SCD5: variants seen among roughly 807,000 people sequenced by gnomAD.
SCD5 encodes acyl-CoA-desaturase 4.
Under a neutral mutation model 30.4 loss-of-function variants are expected in SCD5, and 20 were observed. The ratio of observed to expected loss-of-function variants is 0.66; its 90% CI spans 0.46 to 0.96. The LOEUF (loss-of-function observed/expected upper bound fraction) is 0.96. SCD5 is among the 40% of genes least tolerant of loss of function. The pLI is 0.00. For missense variants in SCD5, 381 were observed against 443.3 expected, an observed-to-expected ratio of 0.86 and a Z score of 1.26; for synonymous variants, 173 against 176.4, an observed-to-expected ratio of 0.98 and a Z score of 0.16.
chr4:82,690,927 A>G (rs774072436), intron 2 of SCD5, among the ~76,000 whole-genome samples: 7 of 152,260 alleles, frequency 4.6e-5, no homozygotes, highest in Non-Finnish European at 1.0e-4. Context: ...TAAGCGAAAT[A>G]ATTTTAGACT....
At chr4:82,790,916 C>T (rs1452610766) in intron 1 of SCD5, among the ~76,000 whole-genome samples, 2 of 152,104 alleles carry the variant, frequency 1.3e-5, no homozygotes, top group Non-Finnish European at 2.9e-5. Context: ...TCTGATGTGC[C>T]ACCATTTCTG....
In SCD5 at chr4:82,680,801, G is replaced by A. The variant is rs1305026355; in HGVS notation, c.475C>T (p.Leu159=). 1 of 1,613,706 alleles carries A rather than the reference G, an allele frequency of 6.2e-7. No individual in the cohort carries two copies. The highest frequency in any genetic ancestry group is 1.3e-5 in the African/African-American group (1 of 74,882). The change falls in exon 3 of 5, where the codon CTG becomes TTG. Residue 159 remains leucine (L), a synonymous_variant. Transcript: ENST00000319540. The part of the protein sequence containing the change: ...RGFFFSHIGW[L]FVRKHRDVIE... Reference sequence around the variant, plus strand: ...ACATCTCGATGCTTGCGAACAAACAGCCACCCAATATGGGAGAAGAAGAAG... The same window carrying A: ...ACATCTCGATGCTTGCGAACAAACAACCACCCAATATGGGAGAAGAAGAAG...
At chr4:82,664,989 CTCTCTCTCTCTATATA>C (rs1560527880) in intron 3 of SCD5, among the ~76,000 whole-genome samples, 1 of 103,256 alleles carries the variant, frequency 9.7e-6, no homozygotes, top group African/African-American at 5.0e-5. Context: ...CTCTCTCTCT[CTCTCTCTCTCTATATA>C]TATATATATA....
chr4:82,634,364 C>A (rs1727379431), intron 4 of SCD5, among the ~76,000 whole-genome samples: 2 of 84,950 alleles, frequency 2.4e-5, no homozygotes, highest in Admixed American at 2.0e-4. Flanking sequence ...CTAGTCATCA[C>A]ATAGTTCTGC....
In SCD5 at chr4:82,683,830, A is replaced by T. The variant is rs372698884; in HGVS notation, c.364-2918T>A. On this transcript the variant is annotated intron_variant, in intron 2 of 4. Transcript: ENST00000319540. ...CTCTCTCTTGCTCTACCATAGTAAG[A>T]CATAGCTTGCTTCTCCTTCACCTTC... Among the ~76,000 whole-genome samples the T allele has an allele frequency of 3.9e-5, 6 of 152,328 alleles. No homozygotes were observed. In the East Asian group the frequency reaches 1.2e-3, roughly 29 times the overall value.
At chr4:82,797,280 C>A (rs529434553) in intron 1 of SCD5, among the ~76,000 whole-genome samples, 33 of 152,346 alleles carry the variant, frequency 2.2e-4, no homozygotes, top group African/African-American at 7.2e-4. Context: ...GAAACGGGAG[C>A]TGGAAGGGCA....
intron 1 of SCD5, among the ~76,000 whole-genome samples, chr4:82,711,191 C>CG (rs923143992): frequency 6.6e-6 from 1 of 151,834 alleles, no homozygotes; most frequent in Non-Finnish European, 1.5e-5. Context: ...GATCCCCCCC[C>CG]CGATAACCCA....
chr4:82,675,724 G>T (rs1054015158), intron 3 of SCD5, among the ~76,000 whole-genome samples: 1 of 152,146 alleles, frequency 6.6e-6, no homozygotes, highest in Admixed American at 6.5e-5. Context: ...ACAGTCTCTG[G>T]ATTTTATCTT....
chr4:82,744,476 G>A (rs987239864), intron 1 of SCD5, among the ~76,000 whole-genome samples: 5 of 152,124 alleles, frequency 3.3e-5, no homozygotes, highest in Admixed American at 2.0e-4. Flanking sequence ...GTATCCCCAC[G>A]ACCGTGGGAA....
intron 4 of SCD5, among the ~76,000 whole-genome samples, chr4:82,636,099 C>T (rs1211800655): frequency 2.0e-5 from 3 of 152,106 alleles, no homozygotes; most frequent in African/African-American, 2.4e-5. Context: ...ATTCCTGTGA[C>T]GTAAGCATTG....
At chr4:82,745,582 T>C (rs1207621781) in intron 1 of SCD5, among the ~76,000 whole-genome samples, 1 of 152,206 alleles carries the variant, frequency 6.6e-6, no homozygotes, top group Non-Finnish European at 1.5e-5. Context: ...ATGTGTGCCA[T>C]GGTGGTTTGC....
At chr4:82,678,485 C>T (rs898644306) in intron 3 of SCD5, among the ~76,000 whole-genome samples, 3 of 152,174 alleles carry the variant, frequency 2.0e-5, no homozygotes, top group Admixed American at 6.5e-5. Context: ...TTTGCCTTCT[C>T]ATCTGAACTC....
chr4:82,788,037 ACAAT>A (rs772060214), intron 1 of SCD5, among the ~76,000 whole-genome samples: 1 of 152,118 alleles, frequency 6.6e-6, no homozygotes, highest in Admixed American at 6.5e-5. Flanking sequence ...ACCCTGTCAG[ACAAT>A]CAATCAATCA....
intron 1 of SCD5, among the ~76,000 whole-genome samples, chr4:82,719,229 AC>A (rs1269264069): frequency 6.6e-6 from 1 of 151,390 alleles, no homozygotes; most frequent in Non-Finnish European, 1.5e-5. Flanking sequence ...GGAACTACAT[AC>A]CCCTTCCACT....
At chr4:82,687,797 G>A (rs910983067) in intron 2 of SCD5, among the ~76,000 whole-genome samples, 2 of 152,114 alleles carry the variant, frequency 1.3e-5, no homozygotes, top group Non-Finnish European at 2.9e-5. Context: ...AGAGTCCACC[G>A]AAAAGAGGTA....
At position 82,798,767 on chromosome 4, in the gene SCD5, A is replaced by G; in HGVS notation, c.-230T>C. 2.2e-6 allele frequency: 1 copy of G among 461,300 alleles called. No individual in the cohort carries two copies. Among genetic ancestry groups the G allele is most frequent in the Non-Finnish European group, 3.8e-6 (1 of 262,950 alleles). The allele number at this position is 461,300 out of a possible 1,614,324, so 28.6% of individuals were successfully genotyped here. A position where few individuals can be genotyped will look rare whatever the true frequency, so the allele number is the denominator to read the frequency against. ...CGTCTGTTGCTGGCGTATCCCCCAT[A>G]TGGCTGCCCGGGCTGAACTCGGCCG... On this transcript the variant is annotated 5_prime_UTR_variant, in exon 1 of 5. Coordinates refer to ENST00000319540, the MANE Select transcript of SCD5 (RefSeq NM_001037582.3).
rs777354340 is a variant in SCD5 at position 82,680,882 on chromosome 4, G to A, written c.394C>T (p.Arg132Ter). Residue 132 changes from arginine to a stop codon, truncating the protein, a stop_gained, in exon 3 of 5, where the codon CGA (arginine) becomes TGA (stop). Coordinates refer to ENST00000319540, the MANE Select transcript of SCD5 (RefSeq NM_001037582.3). LOFTEE classifies it high-confidence loss of function. ...NDIFEWSRDH[R>*]AHHKYSETDA... ...GTCTCTGAGTACTTGTGGTGGGCTCGGTGGTCCCTGGACCACTCGAAGATG... is the reference window on the plus strand; with the variant it reads ...GTCTCTGAGTACTTGTGGTGGGCTCAGTGGTCCCTGGACCACTCGAAGATG... 6.2e-7 allele frequency: 1 copy of A among 1,613,144 alleles called. No homozygotes were observed. Among genetic ancestry groups the A allele is most frequent in the East Asian group, 2.2e-5 (1 of 44,862 alleles).
chr4:82,749,706 T>C (rs1480811289), intron 1 of SCD5, among the ~76,000 whole-genome samples: 6 of 152,214 alleles, frequency 3.9e-5, no homozygotes, highest in African/African-American at 9.6e-5. Context: ...ACCAACATTA[T>C]ACAACTTCAC....
intron 1 of SCD5, among the ~76,000 whole-genome samples, chr4:82,716,682 C>T (rs558936821): frequency 8.6e-5 from 13 of 151,776 alleles, no homozygotes; most frequent in South Asian, 4.1e-4. Context: ...GGCATGGTGG[C>T]GTACGCCTGT....
Sources: allele counts gnomAD v4.1 joint callset (sites outside exome capture counted in the v4.1 genomes callset), GRCh38; gene constraint gnomAD v4.1.1; transcripts MANE v1.5; gene names NCBI Gene and HGNC (gene_info 2026-07-23, HGNC 2026-07-21).